Variants in MYRF observed in about 807,000 individuals in gnomAD.
MYRF encodes the protein myelin regulatory factor, also known as myelin gene regulatory factor.
In MYRF, 16 loss-of-function variants were observed where a neutral mutation model predicts 126.3. The observed-to-expected ratio is 0.13, with a 90% CI of 0.09 to 0.19. The LOEUF (loss-of-function observed/expected upper bound fraction) is 0.19. Among genes scored for constraint, MYRF ranks in the 10% least tolerant of loss-of-function variants. The pLI, the probability that MYRF is intolerant of heterozygous loss-of-function variation, is 1.00. For synonymous variants in MYRF, 608 were observed against 635.3 expected, an observed-to-expected ratio of 0.96 and a Z score of 0.65; for missense variants, 1,104 against 1,547.0, an observed-to-expected ratio of 0.71 and a Z score of 4.80.
chr11:61,774,177 C>CT lies in MYRF; in HGVS notation c.1311+15_1311+16insT. The CT allele has an allele frequency of 6.3e-7, 1 of 1,587,768 alleles. No individual in the cohort carries two copies. Among genetic ancestry groups the CT allele is most frequent in the Non-Finnish European group, 8.6e-7 (1 of 1,162,126 alleles). On this transcript the variant is annotated intron_variant, in intron 8 of 26. Coordinates refer to ENST00000278836, the MANE Select transcript of MYRF (RefSeq NM_001127392.3). ...ACGGAGTGAAGGCAAGTTTGGGGCT[C>CT]AGCAAGGAAGGGAGGGCAGGAGGGC...
chr11:61,759,435 C>T (rs932307317), intron 1 of MYRF, among the ~76,000 whole-genome samples: 7 of 152,080 alleles, frequency 4.6e-5, no homozygotes, highest in Non-Finnish European at 5.9e-5. Flanking sequence ...TTTGGGAGGC[C>T]GAGGCAGGTG....
At chr11:61,773,932 G>A in intron 7 of MYRF, 35 bp from the exon 8 acceptor site, 1 of 1,563,204 alleles carries the variant, frequency 6.4e-7, no homozygotes, top group South Asian at 1.1e-5. Context: ...CCCGGCTCTG[G>A]GGCCTCAGGG....
intron 3 of MYRF, chr11:61,767,365 C>T (rs1412247995): frequency 2.2e-6 from 1 of 456,664 alleles, no homozygotes; most frequent in Non-Finnish European, 4.4e-6. Flanking sequence ...GTATCCAGCT[C>T]CTGGGAGACC....
chr11:61,783,530 A>G lies in MYRF; in HGVS notation c.3049A>G (p.Thr1017Ala). The G allele has an allele frequency of 6.2e-7, 1 of 1,613,504 alleles. No individual in the cohort carries two copies. Among genetic ancestry groups the G allele is most frequent in the Non-Finnish European group, 8.5e-7 (1 of 1,179,904 alleles). The change falls in exon 23 of 27, where the codon ACC becomes GCC. Residue 1017 changes from threonine to alanine, a missense_variant. By Grantham distance (58) the Thr-to-Ala change is moderately conservative. Around this residue, in one of 10 missense-constraint regions of MYRF, gnomAD observed 323 missense variants for 383.1 expected, o/e 0.84. Coordinates refer to ENST00000278836, the MANE Select transcript of MYRF (RefSeq NM_001127392.3). The surrounding 1 kb of genome is among the most constrained non-coding windows in gnomAD (Gnocchi z 4.6). ...SLLAEPVPSL[T>A]SIQVLENSMS... is the part of the protein sequence containing the mutation. ...CCTTGCAGAGCCAGTGCCCTCCCTG[A>G]CCTCCATCCAGGTGCTGGAGAATTC...
At chr11:61,752,882 G>C in intron 1 of MYRF, 92 bp downstream of exon 1, 1 of 1,246,126 alleles carries the variant, frequency 8.0e-7, no homozygotes, top group Non-Finnish European at 1.1e-6. Context: ...CTGTGTTTCC[G>C]CCTCCTCTGG....
Position 61,774,157 on chromosome 11 carries a change from G to A in MYRF, c.1306G>A (p.Val436Met), listed in dbSNP as rs763288098. ...LDCFYLKLHG[V>M]KLEALNQSIN... ...CTGCTTCTATCTGAAGCTGCACGGA[G>A]TGAAGGCAAGTTTGGGGCTCAGCAA... is the stretch of plus-strand genomic sequence containing the variant. Residue 436 changes from valine (V) to methionine (M), a missense_variant, in exon 8 of 27, where the codon GTG becomes ATG. Transcript: ENST00000278836. 1.9e-6 allele frequency: 3 copies of A among 1,599,004 alleles called. No individual in the cohort carries two copies. The highest frequency in any genetic ancestry group is 2.6e-6 in the Non-Finnish European group (3 of 1,168,970).
intron 4 of MYRF, 23 bp downstream of exon 4, chr11:61,769,344 T>A (rs757250457): frequency 6.9e-6 from 11 of 1,597,100 alleles, no homozygotes; most frequent in Admixed American, 3.4e-5. Context: ...GGCACCGCCC[T>A]CCTGCTCCAG....
chr11:61,763,763 G>A (rs1209283315), intron 1 of MYRF, among the ~76,000 whole-genome samples: 1 of 152,164 alleles, frequency 6.6e-6, no homozygotes, highest in Non-Finnish European at 1.5e-5. Context: ...TACTCGGGAG[G>A]CTGAGGTGGG....
At chr11:61,785,949 G>A (rs2066682948) in intron 26 of MYRF, 75 bp downstream of exon 26, 3 of 1,566,574 alleles carry the variant, frequency 1.9e-6, no homozygotes, top group African/African-American at 1.4e-5. Flanking sequence ...GGAATGGGGG[G>A]TTTGCACAGT....
In MYRF at chr11:61,776,361, G is replaced by C. The variant is rs1000401284; in HGVS notation, c.1428G>C (p.Val476=). The C allele has an allele frequency of 1.2e-6, 2 of 1,613,240 alleles. No individual in the cohort carries two copies. The highest frequency in any genetic ancestry group is 2.7e-5 in the African/African-American group (2 of 75,018). Residue 476 remains valine (V), a synonymous_variant, in exon 10 of 27, where the codon GTG becomes GTC. Coordinates refer to ENST00000278836, the MANE Select transcript of MYRF (RefSeq NM_001127392.3). The surrounding 1 kb of genome is among the most constrained non-coding windows in gnomAD (Gnocchi z 4.3). ...LPPEQVTKVT[V]GRLHFSETTA... is the part of the protein sequence containing the mutation. ...CTGAGCAGGTCACGAAGGTGACTGTGGGGCGGCTGCACTTCAGCGAGACCA... is the reference window on the plus strand; with the variant it reads ...CTGAGCAGGTCACGAAGGTGACTGTCGGGCGGCTGCACTTCAGCGAGACCA...
At chr11:61,785,999 C>T (rs2066684149) in intron 26 of MYRF, 64 bp from the exon 27 acceptor site, 1 of 1,561,998 alleles carries the variant, frequency 6.4e-7, no homozygotes, top group Non-Finnish European at 8.8e-7. Flanking sequence ...GCAATGTCAG[C>T]AGGGAGTGCC....
intron 7 of MYRF, among the ~76,000 whole-genome samples, chr11:61,772,186 G>A (rs1023881237): frequency 3.3e-5 from 5 of 152,192 alleles, no homozygotes; most frequent in African/African-American, 1.2e-4. Context: ...AACCAAGTCA[G>A]GGAGAAGTGG....
intron 8 of MYRF, 96 bp downstream of exon 8, chr11:61,774,258 C>T: frequency 8.5e-7 from 1 of 1,176,330 alleles, no homozygotes. Context: ...GATGCTGTGG[C>T]TCACGCCTGT....
intron 3 of MYRF, chr11:61,767,214 G>C (rs1022108545): frequency 1.5e-5 from 7 of 456,640 alleles, no homozygotes; most frequent in Non-Finnish European, 3.1e-5. Flanking sequence ...AAGGCAAACT[G>C]TTTGCTTGAG....
At chr11:61,772,429 C>T (rs1375276196) in intron 7 of MYRF, among the ~76,000 whole-genome samples, 1 of 152,240 alleles carries the variant, frequency 6.6e-6, no homozygotes, top group Admixed American at 6.5e-5. Context: ...CCTGTGGGGA[C>T]CACTCCCCTG....
Position 61,777,519 on chromosome 11 carries a change from G to C in MYRF, c.1791+55G>C, listed in dbSNP as rs541612212. The stretch of plus-strand genomic sequence containing the variant: ...GTCCAGACGCTGGAGCGGGCCGCGG[G>C]GGCGGGGCTCCTGGGGAGGGGGCGT... On this transcript the variant is annotated intron_variant, in intron 12 of 26. Coordinates refer to ENST00000278836, the MANE Select transcript of MYRF (RefSeq NM_001127392.3). The surrounding 1 kb of genome is among the most constrained non-coding windows in gnomAD (Gnocchi z 8.8). The C allele has an allele frequency of 6.5e-7, 1 of 1,531,078 alleles. No individual in the cohort carries two copies. Among genetic ancestry groups the C allele is most frequent in the Admixed American group, 2.0e-5 (1 of 50,648 alleles). The allele number at this position is 1,531,078 out of a possible 1,614,324, so 94.8% of individuals were successfully genotyped here.
At chr11:61,769,403 G>A in intron 4 of MYRF, 82 bp downstream of exon 4, 1 of 1,074,784 alleles carries the variant, frequency 9.3e-7, no homozygotes, top group Non-Finnish European at 1.4e-6. Flanking sequence ...TAGGGGAGGA[G>A]GGAGGGGGCC....
At chr11:61,758,941 G>C (rs1030057361) in intron 1 of MYRF, among the ~76,000 whole-genome samples, 2 of 152,254 alleles carry the variant, frequency 1.3e-5, no homozygotes, top group South Asian at 2.1e-4. Flanking sequence ...TATGTGTGGG[G>C]CATGCCACTG....
rs1392333568 is a variant in MYRF at position 61,777,326 on chromosome 11, C to T, written c.1653C>T (p.Pro551=). 6.2e-7 allele frequency: 1 copy of T among 1,613,420 alleles called. No individual in the cohort carries two copies. Among genetic ancestry groups the T allele is most frequent in the East Asian group, 2.2e-5 (1 of 44,880 alleles). ...SDVLWQRAQV[P]DTVFHHGRVG... is the part of the protein sequence containing the mutation. ...TGTTGTGGCAGCGGGCACAGGTGCC[C>T]GACACCGTCTTCCACCACGGCCGCG... The change falls in exon 12 of 27, where the codon CCC becomes CCT. Residue 551 remains proline (P), a synonymous_variant. Coordinates refer to ENST00000278836, the MANE Select transcript of MYRF (RefSeq NM_001127392.3). This position sits in a 1 kb window ranked among gnomAD's most constrained non-coding sequence, Gnocchi z 8.8.
Sources: allele counts gnomAD v4.1 joint callset (sites outside exome capture counted in the v4.1 genomes callset), GRCh38; gene constraint gnomAD v4.1.1; regional missense constraint gnomAD v4.1.1; non-coding constraint Gnocchi (gnomAD v3.1); transcripts MANE v1.5; gene names NCBI Gene and HGNC (gene_info 2026-07-23, HGNC 2026-07-21).